MYO16: variants seen among roughly 807,000 people sequenced by gnomAD.
MYO16 encodes myosin XVI.
In MYO16, 94 loss-of-function variants were observed where a neutral mutation model predicts 205.3. The observed-to-expected ratio is 0.46, with a 90% confidence interval of 0.39 to 0.54. MYO16 has a LOEUF of 0.54. Among genes scored for constraint, MYO16 ranks in the 20% least tolerant of loss-of-function variants. The pLI, the probability that MYO16 is intolerant of heterozygous loss-of-function variation, is 0.00. For missense variants in MYO16, 2,315 were observed against 2,387.5 expected, an observed-to-expected ratio of 0.97 and a Z score of 0.63; for synonymous variants, 988 against 954.0, an observed-to-expected ratio of 1.04 and a Z score of -0.66.
At chr13:109,199,192 G>GTATATATATATA (rs4000581) in intron 34 of MYO16, among the ~76,000 whole-genome samples, 1 of 75,622 alleles carries the variant, frequency 1.3e-5, no homozygotes, top group Non-Finnish European at 2.5e-5. Flanking sequence ...AATAAAAAAG[G>GTATATATATATA]TATATATATA....
chr13:109,162,554 A>G lies in MYO16; in HGVS notation c.5165-2347A>G, dbSNP rs535419253. 6.6e-6 allele frequency among the ~76,000 whole-genome samples: 1 copy of G among 152,252 alleles called. No homozygotes were observed. Among genetic ancestry groups the G allele is most frequent in the African/African-American group, 2.4e-5 (1 of 41,542 alleles). ...GCCTGGCTGCCCACCAGTGTTTTCC[A>G]CTTACTAGGTTTTCCACGTAGCTGT... is the stretch of plus-strand genomic sequence containing the variant. On this transcript the variant is annotated intron_variant, in intron 32 of 34. Coordinates refer to ENST00000457511, the MANE Select transcript of MYO16 (RefSeq NM_001198950.3). The surrounding 1 kb of genome is among the most constrained non-coding windows in gnomAD (Gnocchi z 4.6).
In MYO16 at chr13:109,206,778, A is replaced by C; in HGVS notation, c.5585A>C (p.Lys1862Thr). 2 of 1,614,200 alleles carry C rather than the reference A, an allele frequency of 1.2e-6. No homozygotes were observed. Among genetic ancestry groups the C allele is most frequent in the Non-Finnish European group, 1.7e-6 (2 of 1,180,028 alleles). The change falls in exon 35 of 35, where the codon AAG becomes ACG. Residue 1862 changes from lysine (K) to threonine (T), a missense_variant. Physicochemically the swap from Lys to Thr is moderately conservative, Grantham distance 78. This residue lies in a region of MYO16 where 1,097 missense variants were observed against 1,092.0 expected (regional missense o/e 1.00). Transcript: ENST00000457511. ...TGCAAGAAGCCCAGCCTTCTGAAGA[A>C]GCCGGAAGGGGCCTCCTGCAACAGG... Reference protein sequence around the residue: ...PPCKKPSLLKKPEGASCNRLP... With the variant: ...PPCKKPSLLKTPEGASCNRLP...
chr13:109,119,535 C>G (rs1408544123), intron 28 of MYO16, among the ~76,000 whole-genome samples: 2 of 152,172 alleles, frequency 1.3e-5, no homozygotes, highest in African/African-American at 4.8e-5. Context: ...ATTCCTCACA[C>G]CTACCTCGGT....
intron 7 of MYO16, among the ~76,000 whole-genome samples, chr13:108,808,510 G>T (rs368331875): frequency 6.6e-6 from 1 of 151,504 alleles, no homozygotes; most frequent in Non-Finnish European, 1.5e-5. Flanking sequence ...ACAGGGTTTC[G>T]CTATGTTGCC....
Position 109,164,946 on chromosome 13 carries a change from C to T in MYO16, c.5210C>T (p.Thr1737Met), listed in dbSNP as rs375722670. Residue 1737 changes from threonine (T) to methionine (M), a missense_variant, in exon 33 of 35, where the codon ACG becomes ATG. Thr to Met is a moderately conservative substitution (Grantham distance 81). Around this residue, in one of 3 missense-constraint regions of MYO16, gnomAD observed 1,097 missense variants for 1,092.0 expected, o/e 1.00. Transcript: ENST00000457511. Reference protein sequence around the residue: ...MNISSRDDPSTSEITSETQDR... With the variant: ...MNISSRDDPSMSEITSETQDR... Reference sequence around the variant, plus strand: ...ATAAGTAGCCGAGATGACCCTAGTACGTCAGAAATTACTTCCGAGACTCAA... The same window carrying T: ...ATAAGTAGCCGAGATGACCCTAGTATGTCAGAAATTACTTCCGAGACTCAA... 8.1e-6 allele frequency: 13 copies of T among 1,606,140 alleles called. No individual in the cohort carries two copies. The highest frequency in any genetic ancestry group is 1.6e-4 in the Middle Eastern group (1 of 6,070).
At position 108,977,275 on chromosome 13, in the gene MYO16, A is replaced by G. The variant is rs376992371; in HGVS notation, c.2369+12373A>G. On this transcript the variant is annotated intron_variant, in intron 20 of 34. Transcript: ENST00000457511. ...TCTCAGTATACTCACCTAGTTCACT[A>G]TTGGTGGACACTGAAGTCTCTTTTC... 8.7e-4 allele frequency among the ~76,000 whole-genome samples: 132 copies of G among 152,304 alleles called. 1 individual carries two copies. The highest frequency in any genetic ancestry group is 3.0e-3 in the African/African-American group (124 of 41,562).
intron 5 of MYO16, among the ~76,000 whole-genome samples, chr13:108,788,756 C>A (rs1307849563): frequency 6.6e-6 from 1 of 152,184 alleles, no homozygotes; most frequent in East Asian, 1.9e-4. Context: ...GTTTTCTATC[C>A]AGTGATAGCT....
At chr13:108,555,443 G>C in the MYO16 span, among the ~76,000 whole-genome samples, 23 of 152,286 alleles carry the variant, frequency 1.5e-4, no homozygotes, top group African/African-American at 5.5e-4. Flanking sequence ...TCTTTAACAG[G>C]TATTTATAGA....
intron 12 of MYO16, among the ~76,000 whole-genome samples, chr13:108,866,742 C>T (rs1021016646): frequency 3.3e-5 from 5 of 152,136 alleles, no homozygotes; most frequent in African/African-American, 1.2e-4. Context: ...ATTGAAAATG[C>T]AGTATGATTT....
At chr13:109,183,793 A>G (rs1391316052) in intron 34 of MYO16, among the ~76,000 whole-genome samples, 2 of 152,208 alleles carry the variant, frequency 1.3e-5, no homozygotes, top group Admixed American at 6.5e-5. Flanking sequence ...TGATAAACTA[A>G]TGGCAATCTG....
At chr13:108,632,043 A>C (rs934166614) in intron 1 of MYO16, among the ~76,000 whole-genome samples, 2 of 141,752 alleles carry the variant, frequency 1.4e-5, no homozygotes, top group African/African-American at 5.2e-5. Context: ...GCGCCATTGC[A>C]CTCCAGCCTG....
chr13:108,651,554 G>C (rs1881006174), intron 1 of MYO16, among the ~76,000 whole-genome samples: 1 of 152,064 alleles, frequency 6.6e-6, no homozygotes. Flanking sequence ...ATGTGTATTG[G>C]TGTTATTTCC....
chr13:109,188,798 A>C (rs1311311306), intron 34 of MYO16, among the ~76,000 whole-genome samples: 3 of 152,224 alleles, frequency 2.0e-5, no homozygotes, highest in African/African-American at 7.2e-5. Flanking sequence ...CCAATGTTCA[A>C]GAGAAGGAAG....
intron 32 of MYO16, among the ~76,000 whole-genome samples, chr13:109,143,751 A>T (rs542031640): frequency 6.6e-6 from 1 of 152,380 alleles, no homozygotes; most frequent in East Asian, 1.9e-4. Flanking sequence ...GGGAACACAC[A>T]TCAAAATCTC....
At chr13:108,776,787 A>G (rs1312518700) in intron 4 of MYO16, among the ~76,000 whole-genome samples, 2 of 152,208 alleles carry the variant, frequency 1.3e-5, no homozygotes, top group African/African-American at 2.4e-5. Flanking sequence ...AACCCGTTTT[A>G]TCTTCACAAC....
chr13:108,576,041 G>C, the MYO16 span, among the ~76,000 whole-genome samples: 1 of 152,106 alleles, frequency 6.6e-6, no homozygotes, highest in Non-Finnish European at 1.5e-5. Context: ...AGCGCTCAGG[G>C]CTAGCACCCT....
intron 23 of MYO16, 122 bp from the exon 24 acceptor site, chr13:109,046,794 C>G: frequency 1.3e-6 from 1 of 765,516 alleles, no homozygotes; most frequent in Non-Finnish European, 2.2e-6. Flanking sequence ...AACTGTAAGA[C>G]CTGAAGACAC....
At chr13:109,112,956 A>G (rs1434878428) in intron 28 of MYO16, among the ~76,000 whole-genome samples, 1 of 152,222 alleles carries the variant, frequency 6.6e-6, no homozygotes, top group Non-Finnish European at 1.5e-5. Context: ...GTTAAGTTGA[A>G]TAGTCAGACA....
intron 4 of MYO16, among the ~76,000 whole-genome samples, chr13:108,737,423 T>C (rs1263185404): frequency 6.6e-6 from 1 of 152,240 alleles, no homozygotes; most frequent in Non-Finnish European, 1.5e-5. Flanking sequence ...TGGTTCTGTT[T>C]ATATTCTGGA....
Sources: allele counts gnomAD v4.1 joint callset (sites outside exome capture counted in the v4.1 genomes callset), GRCh38; gene constraint gnomAD v4.1.1; regional missense constraint gnomAD v4.1.1; non-coding constraint Gnocchi (gnomAD v3.1); transcripts MANE v1.5; gene names NCBI Gene and HGNC (gene_info 2026-07-23, HGNC 2026-07-21).